Variants in FARP1 observed in about 807,000 individuals in gnomAD.
FARP1 encodes the protein FERM, ARH/RhoGEF and pleckstrin domain protein 1.
Under a neutral mutation model 128.8 loss-of-function variants are expected in FARP1, and 52 were observed. The ratio of observed to expected loss-of-function variants is 0.40; its 90% CI spans 0.32 to 0.51. The LOEUF (loss-of-function observed/expected upper bound fraction) is 0.51, where lower values mean the gene tolerates loss of function less well. Ranked by LOEUF, FARP1 falls within the 20% of genes least tolerant of loss-of-function variation. The pLI, the probability that FARP1 is intolerant of heterozygous loss-of-function variation, is 0.45. For missense variants in FARP1, 1,333 were observed against 1,367.9 expected, an observed-to-expected ratio of 0.97 and a Z score of 0.40; for synonymous variants, 580 against 551.8, an observed-to-expected ratio of 1.05 and a Z score of -0.72.
intron 16 of FARP1, 73 bp from the exon 17 acceptor site, chr13:98,424,499 T>C: frequency 1.1e-6 from 1 of 931,066 alleles, no homozygotes; most frequent in Non-Finnish European, 1.8e-6. Context: ...AGCGGTAGGC[T>C]GATATTTGTA....
chr13:98,316,430 G>A (rs946019742), intron 2 of FARP1, among the ~76,000 whole-genome samples: 2 of 152,180 alleles, frequency 1.3e-5, no homozygotes, highest in African/African-American at 4.8e-5. Context: ...GCATAGAGAG[G>A]TTAAAGAACT....
chr13:98,241,942 C>CAAA lies in FARP1; in HGVS notation c.171+28531_171+28533dup, dbSNP rs200165255. Among the ~76,000 whole-genome samples the CAAA allele has an allele frequency of 6.2e-4, 94 of 152,148 alleles. 5 individuals carry two copies. The East Asian group carries it at 0.018, about 29-fold the overall frequency. ...TAAACAACAGCAACAACAACAACAACAAAACTTAAAAAATTAACCAGGCAC... is the reference window on the plus strand; with the variant it reads ...TAAACAACAGCAACAACAACAACAACAAAAAAACTTAAAAAATTAACCAGGCAC... On this transcript the variant is annotated intron_variant, in intron 2 of 26. Transcript: ENST00000319562.
At chr13:98,398,101 T>C (rs1448584015) in intron 13 of FARP1, 2 of 152,266 alleles carry the variant, frequency 1.3e-5, no homozygotes, top group South Asian at 2.1e-4. Flanking sequence ...GGCAGCAGCA[T>C]AGAAAATGGA....
intron 24 of FARP1, 22 bp from the exon 25 acceptor site, chr13:98,446,076 C>T (rs774881342): frequency 1.2e-5 from 18 of 1,560,136 alleles, no homozygotes; most frequent in Non-Finnish European, 1.6e-5. Flanking sequence ...CTGTGCTTCT[C>T]ACAGGCCTCC....
At chr13:98,411,621 G>T (rs771675024) in intron 15 of FARP1, among the ~76,000 whole-genome samples, 1 of 152,170 alleles carries the variant, frequency 6.6e-6, no homozygotes, top group Non-Finnish European at 1.5e-5. Flanking sequence ...GTTTTGATTC[G>T]AGTAGTTCCC....
intron 2 of FARP1, among the ~76,000 whole-genome samples, chr13:98,297,467 G>C (rs1339513980): frequency 6.6e-6 from 1 of 152,222 alleles, no homozygotes; most frequent in Non-Finnish European, 1.5e-5. Context: ...CCCAGGCTTT[G>C]TTCATGCTAT....
chr13:98,236,218 C>A (rs1882411096), intron 2 of FARP1, among the ~76,000 whole-genome samples: 2 of 152,224 alleles, frequency 1.3e-5, no homozygotes, highest in African/African-American at 4.8e-5. Context: ...ATTTTTTCTT[C>A]TTCAAAAACC....
At chr13:98,399,430 C>T (rs984948146) in intron 13 of FARP1, 1 of 152,234 alleles carries the variant, frequency 6.6e-6, no homozygotes, top group African/African-American at 2.4e-5. Context: ...TCCAGTCCCC[C>T]AGGTCTTTAC....
intron 2 of FARP1, among the ~76,000 whole-genome samples, chr13:98,334,881 A>G (rs1887676737): frequency 6.6e-6 from 1 of 152,118 alleles, no homozygotes; most frequent in Non-Finnish European, 1.5e-5. Flanking sequence ...TTGAGTGTAG[A>G]CTTCACACCC....
intron 6 of FARP1, chr13:98,382,645 T>G (rs1315575009): frequency 3.9e-5 from 6 of 152,226 alleles, no homozygotes; most frequent in Non-Finnish European, 8.8e-5. Flanking sequence ...ACTCATGCGC[T>G]TTCACGGTCA....
chr13:98,195,514 G>A (rs575614191), intron 1 of FARP1, among the ~76,000 whole-genome samples: 1 of 152,264 alleles, frequency 6.6e-6, no homozygotes, highest in Non-Finnish European at 1.5e-5. Context: ...GGTGTGTTTA[G>A]TTCTAACCCA....
rs764970811 is a variant in FARP1, at chr13:98,439,112, C to T, written c.2349C>T (p.Asn783=). The T allele has an allele frequency of 1.4e-5, 22 of 1,613,060 alleles. No individual in the cohort carries two copies. Among genetic ancestry groups the T allele is most frequent in the Admixed American group, 3.3e-5 (2 of 59,936 alleles). ...GLQQRMFFLF[N]DVLLYTSRGL... is the part of the protein sequence containing the mutation. ...CACACTTCTGATTCCTCCAGTTCAA[C>T]GACGTCCTGCTATACACGAGCCGGG... Residue 783 remains asparagine (N), a synonymous_variant, in exon 21 of 27, where the codon AAC becomes AAT. Transcript: ENST00000319562.
At chr13:98,342,265 T>C (rs1264322379) in intron 2 of FARP1, among the ~76,000 whole-genome samples, 1 of 152,192 alleles carries the variant, frequency 6.6e-6, no homozygotes, top group Non-Finnish European at 1.5e-5. Flanking sequence ...GTTGAAAACT[T>C]AATGTCCACA....
intron 16 of FARP1, among the ~76,000 whole-genome samples, chr13:98,420,464 G>A (rs1456822003): frequency 2.0e-5 from 3 of 152,168 alleles, no homozygotes; most frequent in Non-Finnish European, 2.9e-5. Flanking sequence ...ACCAGCTCAC[G>A]TTGTGGTGAA....
chr13:98,328,840 G>A (rs1375328694), intron 2 of FARP1: 1 of 152,252 alleles, frequency 6.6e-6, no homozygotes, highest in Non-Finnish European at 1.5e-5. Flanking sequence ...GGGTGGGACA[G>A]AGAGGACGGC....
chr13:98,379,123 A>T (rs1324319120), intron 6 of FARP1, among the ~76,000 whole-genome samples: 2 of 51,890 alleles, frequency 3.9e-5, no homozygotes, highest in Non-Finnish European at 6.1e-5. Flanking sequence ...TCTATATATA[A>T]TATATATATA....
At chr13:98,222,289 T>A (rs964580041) in intron 2 of FARP1, among the ~76,000 whole-genome samples, 1 of 152,082 alleles carries the variant, frequency 6.6e-6, no homozygotes, top group East Asian at 1.9e-4. Flanking sequence ...GTGCTACTGG[T>A]GATAAGAAAA....
intron 3 of FARP1, among the ~76,000 whole-genome samples, chr13:98,351,426 C>T (rs371534397): frequency 1.3e-5 from 2 of 152,070 alleles, no homozygotes; most frequent in African/African-American, 4.8e-5. Context: ...TCCTGGCTAA[C>T]AGGGTGAAAC....
intron 2 of FARP1, among the ~76,000 whole-genome samples, chr13:98,320,063 G>A (rs1014031474): frequency 6.6e-6 from 1 of 152,108 alleles, no homozygotes; most frequent in Admixed American, 6.5e-5. Context: ...AGGCCTGTGT[G>A]GTCAGACACC....
Sources: allele counts gnomAD v4.1 joint callset (sites outside exome capture counted in the v4.1 genomes callset), GRCh38; gene constraint gnomAD v4.1.1; transcripts MANE v1.5; gene names NCBI Gene and HGNC (gene_info 2026-07-23, HGNC 2026-07-21).